SORCS3: variants seen among roughly 807,000 people sequenced by gnomAD.
SORCS3 encodes the protein sortilin related VPS10 domain containing receptor 3.
A neutral mutation model predicts 146.3 loss-of-function variants in SORCS3; 57 were observed. That is an observed-to-expected ratio of 0.39 (90% CI 0.31 to 0.49). SORCS3 has a LOEUF of 0.49. Ranked by LOEUF, SORCS3 falls within the 20% of genes least tolerant of loss-of-function variation. The pLI is 0.92. For missense variants in SORCS3, 1,341 were observed against 1,575.5 expected (o/e 0.85, Z 2.52); for synonymous variants, 653 against 618.5 (o/e 1.06, Z -0.83).
intron 25 of SORCS3, among the ~76,000 whole-genome samples, chr10:105,259,142 A>G (rs1406473646): frequency 3.3e-5 from 5 of 152,156 alleles, no homozygotes. Flanking sequence ...AACTTTGGCA[A>G]TGTTTAAAAT....
chr10:105,035,348 T>C (rs181715176), intron 4 of SORCS3, among the ~76,000 whole-genome samples: 1 of 152,202 alleles, frequency 6.6e-6, no homozygotes, highest in South Asian at 2.1e-4. Context: ...CTGTATTCGT[T>C]TGGCTTTTGG....
chr10:104,662,199 G>A (rs759732501), intron 1 of SORCS3, among the ~76,000 whole-genome samples: 19 of 152,180 alleles, frequency 1.2e-4, no homozygotes, highest in Non-Finnish European at 1.8e-4. Flanking sequence ...TTGTGAGTGC[G>A]GATAGGCTGA....
At chr10:104,763,809 C>T (rs2017149790) in intron 1 of SORCS3, among the ~76,000 whole-genome samples, 1 of 152,162 alleles carries the variant, frequency 6.6e-6, no homozygotes, top group African/African-American at 2.4e-5. Context: ...TGGTTCCCTG[C>T]ATGCTGTTCT....
chr10:104,781,868 T>A (rs2017377853), intron 1 of SORCS3, among the ~76,000 whole-genome samples: 1 of 152,254 alleles, frequency 6.6e-6, no homozygotes, highest in African/African-American at 2.4e-5. Context: ...GGACACCTCT[T>A]GGTCTGCCCT....
At chr10:104,834,036 G>C (rs2018037856) in intron 1 of SORCS3, among the ~76,000 whole-genome samples, 1 of 152,066 alleles carries the variant, frequency 6.6e-6, no homozygotes, top group Non-Finnish European at 1.5e-5. Flanking sequence ...TATCTAATTT[G>C]TCAGCAAATC....
At chr10:104,668,884 A>T (rs998636532) in intron 1 of SORCS3, among the ~76,000 whole-genome samples, 2 of 152,238 alleles carry the variant, frequency 1.3e-5, no homozygotes, top group African/African-American at 2.4e-5. Flanking sequence ...TATTTTCCCC[A>T]AGTGCGATTC....
intron 3 of SORCS3, among the ~76,000 whole-genome samples, chr10:104,943,346 G>A (rs745637234): frequency 1.3e-5 from 2 of 152,164 alleles, no homozygotes; most frequent in African/African-American, 2.4e-5. Flanking sequence ...CCCAGGTCTC[G>A]AACTCCTGAG....
intron 2 of SORCS3, among the ~76,000 whole-genome samples, chr10:104,870,249 G>T (rs991809438): frequency 2.0e-5 from 3 of 151,978 alleles, no homozygotes; most frequent in African/African-American, 7.3e-5. Context: ...TTATATATTG[G>T]TCCTGCACCT....
intron 2 of SORCS3, among the ~76,000 whole-genome samples, chr10:104,854,912 T>C (rs1327801466): frequency 6.6e-6 from 1 of 152,230 alleles, no homozygotes; most frequent in African/African-American, 2.4e-5. Flanking sequence ...TATTGACAAG[T>C]AGTAGTCTAG....
At chr10:105,033,123 A>G (rs1015449682) in intron 4 of SORCS3, among the ~76,000 whole-genome samples, 1 of 152,344 alleles carries the variant, frequency 6.6e-6, no homozygotes, top group Non-Finnish European at 1.5e-5. Context: ...AGCTCAGAAA[A>G]TACTCTTCAG....
intron 4 of SORCS3, among the ~76,000 whole-genome samples, chr10:105,009,387 T>C (rs906999467): frequency 6.6e-6 from 1 of 152,242 alleles, no homozygotes; most frequent in East Asian, 1.9e-4. Context: ...AGGGGTATTA[T>C]GTAGGTTTCT....
chr10:105,137,265 A>G (rs945221964), intron 7 of SORCS3, among the ~76,000 whole-genome samples: 3 of 152,086 alleles, frequency 2.0e-5, no homozygotes, highest in African/African-American at 7.2e-5. Context: ...GTTCAGGGTA[A>G]GGTTCAGGGT....
chr10:104,686,234 TGA>T (rs941271345), intron 1 of SORCS3, among the ~76,000 whole-genome samples: 4 of 152,132 alleles, frequency 2.6e-5, no homozygotes, highest in African/African-American at 9.7e-5. Context: ...TGGCTTTCCT[TGA>T]GGCAACCAGG....
At chr10:104,724,708 T>C (rs1455129154) in intron 1 of SORCS3, among the ~76,000 whole-genome samples, 3 of 152,326 alleles carry the variant, frequency 2.0e-5, no homozygotes, top group African/African-American at 4.8e-5. Context: ...CTTCTCTTCT[T>C]GCTTCATTTC....
At chr10:104,751,615 G>T (rs779521035) in intron 1 of SORCS3, among the ~76,000 whole-genome samples, 8 of 152,052 alleles carry the variant, frequency 5.3e-5, no homozygotes, top group Admixed American at 5.2e-4. Context: ...TGCATCTGGG[G>T]CAATCATTTA....
chr10:105,200,454 C>T (rs1242035800), intron 15 of SORCS3, among the ~76,000 whole-genome samples: 14 of 152,062 alleles, frequency 9.2e-5, no homozygotes, highest in Non-Finnish European at 2.9e-5. Flanking sequence ...ATTTTATCTG[C>T]CAATGTGGAG....
intron 1 of SORCS3, among the ~76,000 whole-genome samples, chr10:104,726,489 G>T (rs535025423): frequency 6.6e-6 from 1 of 152,252 alleles, no homozygotes; most frequent in East Asian, 1.9e-4. Context: ...GAGTGGGGAA[G>T]TCTGACCTAA....
intron 2 of SORCS3, among the ~76,000 whole-genome samples, chr10:104,890,108 G>T (rs2018733055): frequency 1.3e-5 from 2 of 151,926 alleles, no homozygotes; most frequent in Non-Finnish European, 1.5e-5. Flanking sequence ...TATCACTGAT[G>T]TTAAGCAATT....
At chr10:104,821,991 T>G in intron 1 of SORCS3, 1 of 456,362 alleles carries the variant, frequency 2.2e-6, no homozygotes, top group Non-Finnish European at 4.3e-6. Context: ...GACAGCAGTG[T>G]TCAACACACC....
Sources: gnomAD v4.1 joint callset for allele counts (sites outside exome capture counted in the v4.1 genomes callset) on GRCh38, gnomAD v4.1.1 for gene constraint, MANE v1.5 for transcripts, NCBI Gene and HGNC (gene_info 2026-07-23, HGNC 2026-07-21) for gene names.